GAS6: variants seen among roughly 807,000 people sequenced by gnomAD.
GAS6 encodes the protein growth arrest specific 6, also known as growth arrest-specific protein 6.
A neutral mutation model predicts 75.8 loss-of-function variants in GAS6; 41 were observed. That is an observed-to-expected ratio of 0.54 (90% CI 0.42 to 0.70). GAS6 has a LOEUF of 0.70. Ranked by LOEUF, GAS6 falls within the 30% of genes least tolerant of loss-of-function variation. The probability of loss-of-function intolerance (pLI) is 0.00; values close to 1 mark genes in which losing one functional copy is unlikely to be tolerated. For synonymous variants in GAS6, 432 were observed against 412.6 expected (o/e 1.05, Z -0.57); for missense variants, 854 against 940.2 (o/e 0.91, Z 1.20).
rs764264848 is a variant in GAS6 at position 113,820,982 on chromosome 13, T to G, written c.1919A>C (p.Tyr640Ser). The G allele has an allele frequency of 6.2e-7, 1 of 1,612,650 alleles. No individual in the cohort carries two copies. The highest frequency in any genetic ancestry group is 8.5e-7 in the Non-Finnish European group (1 of 1,179,870). ...GACCTCCAGTGTCATGCAGCCGCGG[T>G]AGAACGCGGTGACTGGCGCTGAAGT... Reference protein sequence around the residue: ...PVTSAPVTAFYRGCMTLEVNR... With the variant: ...PVTSAPVTAFSRGCMTLEVNR... Residue 640 changes from tyrosine to serine, a missense_variant, in exon 15 of 15, where the codon TAC (tyrosine) becomes TCC (serine). Physicochemically the swap from Tyr to Ser is moderately radical, Grantham distance 144 (BLOSUM62 -2). Transcript: ENST00000327773.
chr13:113,856,326 C>T (rs1006757863), intron 2 of GAS6, among the ~76,000 whole-genome samples: 1 of 152,210 alleles, frequency 6.6e-6, no homozygotes, highest in African/African-American at 2.4e-5. Context: ...CCAGCGAGCA[C>T]AGGAGTTAAT....
In GAS6 at chr13:113,863,530, G is replaced by A; in HGVS notation, c.255+45C>T. On this transcript the variant is annotated intron_variant, in intron 2 of 14. Coordinates refer to ENST00000327773, the MANE Select transcript of GAS6 (RefSeq NM_000820.4). This position sits in a 1 kb window ranked among gnomAD's most constrained non-coding sequence, Gnocchi z 9.4. ...GCCTCTCGGGAGCGGTTGGAGGCGC[G>A]CGGGCGCCAGGGGTTCCCCCGCATC... 6.8e-7 allele frequency: 1 copy of A among 1,477,110 alleles called. No individual in the cohort carries two copies. The highest frequency in any genetic ancestry group is 8.9e-7 in the Non-Finnish European group (1 of 1,120,388). The allele number at this position is 1,477,110 out of a possible 1,614,324, so 91.5% of individuals were successfully genotyped here.
At chr13:113,836,756 T>G (rs974363702) in intron 6 of GAS6, among the ~76,000 whole-genome samples, 3 of 8,380 alleles carry the variant, frequency 3.6e-4, no homozygotes, top group African/African-American at 5.4e-4. Context: ...AGGAAGAAGA[T>G]GGGGAGGAAG....
At chr13:113,825,771 C>T (rs1017153829) in intron 12 of GAS6, among the ~76,000 whole-genome samples, 17 of 152,220 alleles carry the variant, frequency 1.1e-4, no homozygotes, top group Admixed American at 5.2e-4. Context: ...TGGCAGATGG[C>T]GCTTTTCTCA....
Position 113,820,721 on chromosome 13 carries a change from C to T in GAS6, c.*143G>A, listed in dbSNP as rs2051442592. 2.0e-6 allele frequency: 2 copies of T among 1,003,764 alleles called. No homozygotes were observed. The allele number at this position is 1,003,764 out of a possible 1,614,324, so 62.2% of individuals were successfully genotyped here. A position where few individuals can be genotyped will look rare whatever the true frequency, so the allele number is the denominator to read the frequency against. On this transcript the variant is annotated 3_prime_UTR_variant, in exon 15 of 15. Coordinates refer to ENST00000327773, the MANE Select transcript of GAS6 (RefSeq NM_000820.4). ...GGCGTCAGAGGCCCCAAGTCCATCT[C>T]ACTATTTACAGATATGTTACAGGCC...
At chr13:113,826,463 G>A (rs12868518) in intron 12 of GAS6, among the ~76,000 whole-genome samples, 1,056 of 86,628 alleles carry the variant, frequency 0.012, 15 homozygotes, top group African/African-American at 0.02. Flanking sequence ...TCCCGGCGCC[G>A]GCCTCGCAGG....
rs141749597 is a variant in GAS6, at chr13:113,856,577, C to T, written c.255+6998G>A. The stretch of plus-strand genomic sequence containing the variant: ...ACGAGCTAAGTGATGGATCTGAGAA[C>T]GGGAGTGATCGGGAAGTGAACAGTT... On this transcript the variant is annotated intron_variant, in intron 2 of 14. Transcript: ENST00000327773. 4.0e-3 allele frequency among the ~76,000 whole-genome samples: 610 copies of T among 152,232 alleles called. 5 individuals carry two copies. The highest frequency in any genetic ancestry group is 0.011 in the Admixed American group (167 of 15,286).
Position 113,848,277 on chromosome 13 carries a change from G to A in GAS6, c.256-227C>T, listed in dbSNP as rs1196239037. On this transcript the variant is annotated intron_variant, in intron 2 of 14. Transcript: ENST00000327773. The surrounding 1 kb of genome is among the most constrained non-coding windows in gnomAD (Gnocchi z 4.8). ...GGAAGTGCTACCAGGTGTGTCCAGG[G>A]GAGAGGCCTGCCCAGGAGGACAAGA... 6.6e-6 allele frequency among the ~76,000 whole-genome samples: 1 copy of A among 152,104 alleles called. No homozygotes were observed. The highest frequency in any genetic ancestry group is 1.5e-5 in the Non-Finnish European group (1 of 68,016).
At chr13:113,855,017 C>T (rs761505311) in intron 2 of GAS6, among the ~76,000 whole-genome samples, 15 of 152,208 alleles carry the variant, frequency 9.9e-5, no homozygotes, top group Non-Finnish European at 7.3e-5. Context: ...CAACAGCTGC[C>T]GTGGAGAGGA....
intron 2 of GAS6, among the ~76,000 whole-genome samples, chr13:113,851,367 A>G (rs2051873796): frequency 6.9e-6 from 1 of 144,540 alleles, no homozygotes. Flanking sequence ...GAATGAATGA[A>G]AGAATGAGTG....
In GAS6 at chr13:113,834,541, G is replaced by A; in HGVS notation, c.834+10C>T. On this transcript the variant is annotated intron_variant, in intron 8 of 14. Coordinates refer to ENST00000327773, the MANE Select transcript of GAS6 (RefSeq NM_000820.4). ...ACCGTGAAGGGCCCGCGGGGCCAGG[G>A]GCCGCCTACCTCACAGGTGTCCATG... 1.3e-6 allele frequency: 2 copies of A among 1,550,532 alleles called. No homozygotes were observed. The highest frequency in any genetic ancestry group is 1.7e-6 in the Non-Finnish European group (2 of 1,151,878).
In GAS6 at chr13:113,830,183, G is replaced by C. The variant is rs80060833; in HGVS notation, c.1144-1472C>G. Among the ~76,000 whole-genome samples, 882 of 152,320 alleles carry C rather than the reference G, an allele frequency of 5.8e-3. 5 individuals carry two copies. Among genetic ancestry groups the C allele is most frequent in the Middle Eastern group, 0.01 (3 of 294 alleles). ...TGTGAAAACACCTTTCAGGTATTTGGGTTTGAACTGAGTCACAAAAACATG... is the reference window on the plus strand; with the variant it reads ...TGTGAAAACACCTTTCAGGTATTTGCGTTTGAACTGAGTCACAAAAACATG... On this transcript the variant is annotated intron_variant, in intron 10 of 14. Transcript: ENST00000327773.
chr13:113,830,042 A>G (rs2051610873), intron 10 of GAS6, among the ~76,000 whole-genome samples: 1 of 152,248 alleles, frequency 6.6e-6, no homozygotes. Flanking sequence ...CATCTGGGCC[A>G]GGAGGGCCCT....
Position 113,845,990 on chromosome 13 carries a change from C to T in GAS6, c.343+537G>A, listed in dbSNP as rs889664202. Among the ~76,000 whole-genome samples, 36 of 152,184 alleles carry T rather than the reference C, an allele frequency of 2.4e-4. No homozygotes were observed. The highest frequency in any genetic ancestry group is 3.3e-4 in the Admixed American group (5 of 15,282). On this transcript the variant is annotated intron_variant, in intron 4 of 14. Transcript: ENST00000327773. This position sits in a 1 kb window ranked among gnomAD's most constrained non-coding sequence, Gnocchi z 4.3. ...AGGCAACAGGTGCATGAGGATGTCACGCCAGTTTTGTTTAAATGATGGAAA... is the reference window on the plus strand; with the variant it reads ...AGGCAACAGGTGCATGAGGATGTCATGCCAGTTTTGTTTAAATGATGGAAA...
Position 113,827,048 on chromosome 13 carries a change from C to G in GAS6, c.1425G>C (p.Glu475Asp). The G allele has an allele frequency of 6.2e-7, 1 of 1,613,544 alleles. No homozygotes were observed. The highest frequency in any genetic ancestry group is 1.3e-5 in the African/African-American group (1 of 75,064). Residue 475 changes from glutamate (E) to aspartate (D), a missense_variant, in exon 12 of 15, where the codon GAG becomes GAC. Physicochemically the swap from Glu to Asp is conservative, Grantham distance 45. Transcript: ENST00000327773. Reference protein sequence around the residue: ...NTRMQCFSVTERGSFYPGSGF... With the variant: ...NTRMQCFSVTDRGSFYPGSGF... ...CGCTCCCGGGGTAGAAAGAGCCTCT[C>G]TCCGTCACCGAGAAGCACTGCATCC...
At chr13:113,826,311 C>A (rs548646999) in intron 12 of GAS6, among the ~76,000 whole-genome samples, 2 of 152,344 alleles carry the variant, frequency 1.3e-5, no homozygotes, top group East Asian at 3.9e-4. Context: ...CTTCTCTGTG[C>A]CCCTGGACGA....
At chr13:113,847,745 C>T in intron 3 of GAS6, 1 of 459,126 alleles carries the variant, frequency 2.2e-6, no homozygotes, top group South Asian at 2.4e-5. Context: ...AAATCAATTA[C>T]ACGTCCTGAC....
intron 2 of GAS6, among the ~76,000 whole-genome samples, chr13:113,858,900 T>C (rs1468083483): frequency 6.6e-6 from 1 of 152,102 alleles, no homozygotes; most frequent in Non-Finnish European, 1.5e-5. Flanking sequence ...TGTGAATGTG[T>C]GCATGTATGT....
intron 5 of GAS6, among the ~76,000 whole-genome samples, chr13:113,838,663 C>T (rs1434388143): frequency 9.2e-6 from 1 of 108,902 alleles, no homozygotes; most frequent in Admixed American, 9.5e-5. Flanking sequence ...GAAGGGACCC[C>T]GGGGGTGCAC....
Sources: allele counts gnomAD v4.1 joint callset (sites outside exome capture counted in the v4.1 genomes callset), GRCh38; gene constraint gnomAD v4.1.1; non-coding constraint Gnocchi (gnomAD v3.1); transcripts MANE v1.5; gene names NCBI Gene and HGNC (gene_info 2026-07-23, HGNC 2026-07-21).